PCDHGB4: variants seen among roughly 807,000 people sequenced by gnomAD.
PCDHGB4 encodes protocadherin gamma subfamily B, 4, also known as protocadherin gamma-B4.
PCDHGB4 carries 38 observed loss-of-function variants against 60.5 expected under a neutral mutation model. The observed-to-expected ratio is 0.63, with a 90% CI of 0.48 to 0.82. The LOEUF (loss-of-function observed/expected upper bound fraction) is 0.82, where lower values mean the gene tolerates loss of function less well. Ranked by LOEUF, PCDHGB4 falls within the 40% of genes least tolerant of loss-of-function variation. The pLI is 0.00. For missense variants in PCDHGB4, 1,109 were observed against 1,209.6 expected (o/e 0.92, Z 1.23); for synonymous variants, 456 against 509.7 (o/e 0.89, Z 1.42).
At chr5:141,494,365 C>A (rs193174055) in intron 1 of PCDHGB4, among the ~76,000 whole-genome samples, 20 of 152,290 alleles carry the variant, frequency 1.3e-4, no homozygotes, top group Non-Finnish European at 2.2e-4. Context: ...GCAGAGGATG[C>A]TTTGTTCCCA....
At chr5:141,421,633 G>A (rs1369645749) in intron 1 of PCDHGB4, 3 of 1,613,834 alleles carry the variant, frequency 1.9e-6, no homozygotes, top group Non-Finnish European at 2.5e-6. Context: ...CAGCTTCCAG[G>A]AGGACGAAGT....
chr5:141,422,539 C>G, intron 1 of PCDHGB4: 1 of 1,613,994 alleles, frequency 6.2e-7, no homozygotes, highest in Non-Finnish European at 8.5e-7. Flanking sequence ...TGCAGAAACT[C>G]ATGTCTGGCT....
At chr5:141,478,493 G>A in intron 1 of PCDHGB4, 1 of 1,613,176 alleles carries the variant, frequency 6.2e-7, no homozygotes, top group Non-Finnish European at 8.5e-7. Flanking sequence ...GCGGAGCTGT[G>A]ATCCGGTGTT....
At chr5:141,430,484 C>T (rs894612928) in intron 1 of PCDHGB4, 2 of 256,238 alleles carry the variant, frequency 7.8e-6, no homozygotes, top group African/African-American at 4.4e-5. Context: ...GATATAAAAA[C>T]GAAATATCCT....
At chr5:141,444,692 T>G (rs531452351) in intron 1 of PCDHGB4, among the ~76,000 whole-genome samples, 1 of 152,360 alleles carries the variant, frequency 6.6e-6, no homozygotes, top group South Asian at 2.1e-4. Context: ...TTAAAAATAT[T>G]TTCCTCTTTC....
In PCDHGB4 at chr5:141,476,650, A is replaced by G. The variant is rs2099395609; in HGVS notation, c.2398-18157A>G. 6.2e-7 allele frequency: 1 copy of G among 1,614,126 alleles called. No individual in the cohort carries two copies. The highest frequency in any genetic ancestry group is 1.3e-5 in the African/African-American group (1 of 74,952). On this transcript the variant is annotated intron_variant, in intron 1 of 3. Transcript: ENST00000519479. This position sits in a 1 kb window ranked among gnomAD's most constrained non-coding sequence, Gnocchi z 7.6. Reference sequence around the variant, plus strand: ...AAACCTATGAGCTGAGCCGAAATGAATACTTTGCGCTTCGCGTGCAGACGC... The same window carrying G: ...AAACCTATGAGCTGAGCCGAAATGAGTACTTTGCGCTTCGCGTGCAGACGC...
rs1243327893 is a variant in PCDHGB4, at chr5:141,491,671, C to A, written c.2398-3136C>A. 2.5e-6 allele frequency: 4 copies of A among 1,613,366 alleles called. No homozygotes were observed. Among genetic ancestry groups the A allele is most frequent in the Non-Finnish European group, 3.4e-6 (4 of 1,179,808 alleles). On this transcript the variant is annotated intron_variant, in intron 1 of 3. Coordinates refer to ENST00000519479, the MANE Select transcript of PCDHGB4 (RefSeq NM_003736.4). The surrounding 1 kb of genome is among the most constrained non-coding windows in gnomAD (Gnocchi z 6.9). Reference sequence around the variant, plus strand: ...GCTGGAGCCTGACGCCATCCGGTCCCGCTCTAATACGCTGCGGGAGCGGAG... The same window carrying A: ...GCTGGAGCCTGACGCCATCCGGTCCAGCTCTAATACGCTGCGGGAGCGGAG...
intron 1 of PCDHGB4, among the ~76,000 whole-genome samples, chr5:141,456,955 T>A (rs1352654794): frequency 2.6e-5 from 4 of 151,974 alleles, no homozygotes; most frequent in African/African-American, 7.3e-5. Flanking sequence ...AGAGCAAAAC[T>A]CCATCTCAAA....
chr5:141,404,942 A>G, intron 1 of PCDHGB4: 2 of 1,613,982 alleles, frequency 1.2e-6, no homozygotes, highest in South Asian at 1.1e-5. Context: ...CACAGTAGCC[A>G]TAGCTGACAG....
intron 1 of PCDHGB4, chr5:141,427,502 G>A (rs1276688816): frequency 1.7e-6 from 1 of 576,718 alleles, no homozygotes; most frequent in East Asian, 4.0e-5. Flanking sequence ...TAACAGATGG[G>A]ACCCTGGATT....
Position 141,485,778 on chromosome 5 carries a change from G to C in PCDHGB4, c.2398-9029G>C. 1 of 1,614,216 alleles carries C rather than the reference G, an allele frequency of 6.2e-7. No homozygotes were observed. Among genetic ancestry groups the C allele is most frequent in the Non-Finnish European group, 8.5e-7 (1 of 1,180,048 alleles). On this transcript the variant is annotated intron_variant, in intron 1 of 3. Transcript: ENST00000519479. The surrounding 1 kb of genome is among the most constrained non-coding windows in gnomAD (Gnocchi z 5.7). ...CTGCTCCTGGAGAAGCCTTTGGATCGAGAGAAGCAATCGGACTACCGCCTG... is the reference window on the plus strand; with the variant it reads ...CTGCTCCTGGAGAAGCCTTTGGATCCAGAGAAGCAATCGGACTACCGCCTG...
chr5:141,410,435 G>A (rs772158163), intron 1 of PCDHGB4: 1 of 1,614,054 alleles, frequency 6.2e-7, no homozygotes, highest in Non-Finnish European at 8.5e-7. Context: ...CAACTACAGT[G>A]AGGGGACTTT....
chr5:141,486,730 T>G lies in PCDHGB4; in HGVS notation c.2398-8077T>G, dbSNP rs775081505. On this transcript the variant is annotated intron_variant, in intron 1 of 3. Coordinates refer to ENST00000519479, the MANE Select transcript of PCDHGB4 (RefSeq NM_003736.4). This position sits in a 1 kb window ranked among gnomAD's most constrained non-coding sequence, Gnocchi z 5.0. ...ACCCCCAGACAGGAGCTGTTCATGC[T>G]ACTCGATCCTTTGACTATGAGCAAA... is the stretch of plus-strand genomic sequence containing the variant. 6.2e-7 allele frequency: 1 copy of G among 1,614,238 alleles called. No individual in the cohort carries two copies. The highest frequency in any genetic ancestry group is 8.5e-7 in the Non-Finnish European group (1 of 1,180,042).
intron 1 of PCDHGB4, among the ~76,000 whole-genome samples, chr5:141,445,740 A>T (rs993128906): frequency 2.6e-5 from 4 of 152,226 alleles, no homozygotes; most frequent in Admixed American, 1.3e-4. Flanking sequence ...AGATCTTTTT[A>T]AAAAATAAAA....
rs915246049 is a variant in PCDHGB4, at chr5:141,389,415, G to A, written c.1531G>A (p.Val511Met). ...SYVSISAESG[V>M]VFAQRAFDHE... The stretch of plus-strand genomic sequence containing the variant: ...CGTGTCCATAAGCGCGGAGAGCGGG[G>A]TGGTGTTCGCGCAGCGCGCCTTCGA... Residue 511 changes from valine to methionine, a missense_variant, in exon 1 of 4, where the codon GTG (valine) becomes ATG (methionine). Around this residue, in one of 2 missense-constraint regions of PCDHGB4, gnomAD observed 1,068 missense variants for 1,089.9 expected, o/e 0.98. Coordinates refer to ENST00000519479, the MANE Select transcript of PCDHGB4 (RefSeq NM_003736.4). The A allele has an allele frequency of 1.9e-6, 3 of 1,613,598 alleles. No individual in the cohort carries two copies. Among genetic ancestry groups the A allele is most frequent in the Non-Finnish European group, 2.5e-6 (3 of 1,179,912 alleles).
Position 141,477,020 on chromosome 5 carries a change from G to C in PCDHGB4, c.2398-17787G>C, listed in dbSNP as rs1383192345. The C allele has an allele frequency of 6.2e-7, 1 of 1,614,224 alleles. No homozygotes were observed. The highest frequency in any genetic ancestry group is 8.5e-7 in the Non-Finnish European group (1 of 1,180,048). On this transcript the variant is annotated intron_variant, in intron 1 of 3. Coordinates refer to ENST00000519479, the MANE Select transcript of PCDHGB4 (RefSeq NM_003736.4). The surrounding 1 kb of genome is among the most constrained non-coding windows in gnomAD (Gnocchi z 4.9). ...ACTATTCGCCTTAGACCTTGTAACC[G>C]GGATGCTGACAATCAAGGGTCGGCT...
At chr5:141,418,568 G>A (rs769914679) in intron 1 of PCDHGB4, 62 of 1,613,902 alleles carry the variant, frequency 3.8e-5, no homozygotes, top group Non-Finnish European at 5.2e-5. Context: ...AGATGCCAAT[G>A]ACAACCCCCC....
chr5:141,474,056 C>T (rs576482294), intron 1 of PCDHGB4, among the ~76,000 whole-genome samples: 37 of 152,136 alleles, frequency 2.4e-4, no homozygotes, highest in Non-Finnish European at 4.9e-4. Flanking sequence ...GATGACAGAG[C>T]GAGATCCTGC....
rs983317324 is a variant in PCDHGB4, at chr5:141,431,891, G to A, written c.2397+41610G>A. The stretch of plus-strand genomic sequence containing the variant: ...AAATGTAAATGACCAAGATTCTGAG[G>A]AAAACGGACAGGTGATCTGTTTCAT... On this transcript the variant is annotated intron_variant, in intron 1 of 3. Transcript: ENST00000519479. The surrounding 1 kb of genome is among the most constrained non-coding windows in gnomAD (Gnocchi z 4.8). 16 of 1,614,072 alleles carry A rather than the reference G, an allele frequency of 9.9e-6. No homozygotes were observed. The highest frequency in any genetic ancestry group is 2.7e-5 in the African/African-American group (2 of 74,934).
Sources: allele counts gnomAD v4.1 joint callset (sites outside exome capture counted in the v4.1 genomes callset), GRCh38; gene constraint gnomAD v4.1.1; regional missense constraint gnomAD v4.1.1; non-coding constraint Gnocchi (gnomAD v3.1); transcripts MANE v1.5; gene names NCBI Gene and HGNC (gene_info 2026-07-23, HGNC 2026-07-21).